Variants in MME observed in about 807,000 individuals in gnomAD.
MME encodes the protein membrane metalloendopeptidase.
Under a neutral mutation model 113.2 loss-of-function variants are expected in MME, and 98 were observed. That is an observed-to-expected ratio of 0.87 (90% CI 0.74 to 1.02). MME has a LOEUF of 1.02. MME is among the 50% of genes least tolerant of loss of function. MME has a pLI of 0.00. For missense variants in MME, 836 were observed against 896.0 expected (o/e 0.93, Z 0.86); for synonymous variants, 292 against 300.6 (o/e 0.97, Z 0.30).
At chr3:155,114,258 GT>G (rs1363899266) in intron 3 of MME, among the ~76,000 whole-genome samples, 1 of 152,098 alleles carries the variant, frequency 6.6e-6, no homozygotes, top group Non-Finnish European at 1.5e-5. Flanking sequence ...CTCTTCGTTG[GT>G]AATAATTCCT....
chr3:155,160,365 TAA>T (rs1722627119), intron 16 of MME, 23 bp from the exon 17 acceptor site: 1 of 1,525,726 alleles, frequency 6.6e-7, no homozygotes, highest in Admixed American at 1.7e-5. Context: ...GTATCATTTG[TAA>T]AGAGTTCTTA....
chr3:155,080,788 G>A (rs753490440), intron 1 of MME, among the ~76,000 whole-genome samples: 8 of 152,118 alleles, frequency 5.3e-5, no homozygotes, highest in Non-Finnish European at 1.0e-4. Context: ...GATTCAAATG[G>A]CAATTTTATT....
intron 1 of MME, among the ~76,000 whole-genome samples, chr3:155,042,940 G>GTA (rs57585504): frequency 0.05 from 2,653 of 53,346 alleles, 134 homozygotes; most frequent in Admixed American, 0.11. Context: ...ATATATATAT[G>GTA]TATATATATA....
chr3:155,100,153 CT>C (rs1328855918), intron 3 of MME, among the ~76,000 whole-genome samples: 1 of 152,174 alleles, frequency 6.6e-6, no homozygotes, highest in African/African-American at 2.4e-5. Context: ...ATTTACTCAT[CT>C]GACAAAGGGC....
chr3:155,087,382 C>T (rs949894494), intron 3 of MME, among the ~76,000 whole-genome samples: 2 of 151,476 alleles, frequency 1.3e-5, no homozygotes, highest in African/African-American at 4.9e-5. Flanking sequence ...ATTTGCTGCT[C>T]GACATAGTAA....
intron 22 of MME, among the ~76,000 whole-genome samples, chr3:155,174,323 AGCGT>A (rs1712286913): frequency 3.2e-5 from 4 of 124,534 alleles, no homozygotes; most frequent in Admixed American, 8.4e-5. Context: ...TAACAACAGA[AGCGT>A]GTGTGTGTGT....
chr3:155,093,640 G>A (rs1232154062), intron 3 of MME, among the ~76,000 whole-genome samples: 2 of 152,136 alleles, frequency 1.3e-5, no homozygotes, highest in African/African-American at 2.4e-5. Context: ...GGTGGCTCAC[G>A]AGGTCAGGAG....
intron 1 of MME, among the ~76,000 whole-genome samples, chr3:155,041,679 A>G (rs775763859): frequency 2.6e-5 from 4 of 152,184 alleles, no homozygotes; most frequent in Non-Finnish European, 4.4e-5. Context: ...GTAAAACTCC[A>G]GGGTCTCTGT....
intron 9 of MME, among the ~76,000 whole-genome samples, chr3:155,139,947 T>C (rs949910057): frequency 6.6e-6 from 1 of 152,104 alleles, no homozygotes; most frequent in Non-Finnish European, 1.5e-5. Flanking sequence ...TGTCAAAATA[T>C]AGACAGATTT....
intron 16 of MME, among the ~76,000 whole-genome samples, chr3:155,152,330 T>A (rs57476211): frequency 0.039 from 5,864 of 152,206 alleles, 180 homozygotes; most frequent in East Asian, 0.11. Context: ...CTTGGGCTGT[T>A]CTACACTTTG....
intron 8 of MME, among the ~76,000 whole-genome samples, chr3:155,127,418 G>T (rs1443104234): frequency 1.3e-5 from 2 of 152,214 alleles, no homozygotes; most frequent in East Asian, 3.8e-4. Context: ...GAAAGTGGTA[G>T]ACAAATAGTT....
chr3:155,076,140 C>T (rs1714739804), upstream of MME, among the ~76,000 whole-genome samples: 1 of 152,170 alleles, frequency 6.6e-6, no homozygotes, highest in Admixed American at 6.5e-5. Flanking sequence ...CTTGGAAATA[C>T]TCAGGCTACA....
chr3:155,171,828 A>G (rs1001193817), intron 20 of MME, among the ~76,000 whole-genome samples: 1 of 152,230 alleles, frequency 6.6e-6, no homozygotes, highest in South Asian at 2.1e-4. Flanking sequence ...TAAGTTTTTC[A>G]TCACTTATTT....
intron 16 of MME, among the ~76,000 whole-genome samples, chr3:155,154,558 A>T (rs1722177846): frequency 6.6e-6 from 1 of 152,188 alleles, no homozygotes; most frequent in Non-Finnish European, 1.5e-5. Flanking sequence ...AGAGCCAGGA[A>T]GTTTTCCTCC....
At chr3:155,089,067 A>C (rs1195187592) in intron 3 of MME, among the ~76,000 whole-genome samples, 1 of 152,244 alleles carries the variant, frequency 6.6e-6, no homozygotes, top group Non-Finnish European at 1.5e-5. Context: ...TATGATGTAC[A>C]TAAAATGATG....
intron 3 of MME, among the ~76,000 whole-genome samples, chr3:155,097,389 A>G (rs978033865): frequency 6.6e-6 from 1 of 152,190 alleles, no homozygotes; most frequent in African/African-American, 2.4e-5. Flanking sequence ...GTAGAAGGAA[A>G]ATCAGCGAAG....
chr3:155,110,827 C>T (rs970481832), intron 3 of MME, among the ~76,000 whole-genome samples: 2 of 152,186 alleles, frequency 1.3e-5, no homozygotes, highest in African/African-American at 4.8e-5. Flanking sequence ...TAGTATATAT[C>T]CTTCTAGATT....
chr3:155,140,560 G>T (rs1721001725), intron 10 of MME, among the ~76,000 whole-genome samples: 1 of 151,784 alleles, frequency 6.6e-6, no homozygotes, highest in East Asian at 1.9e-4. Flanking sequence ...GGGACTACAG[G>T]CATGCACCAC....
At chr3:155,107,031 C>G (rs1717744232) in intron 3 of MME, among the ~76,000 whole-genome samples, 1 of 152,144 alleles carries the variant, frequency 6.6e-6, no homozygotes, top group African/African-American at 2.4e-5. Context: ...TATACCATTC[C>G]CTAAACATTA....
Sources: gnomAD v4.1 joint callset for allele counts (sites outside exome capture counted in the v4.1 genomes callset) on GRCh38, gnomAD v4.1.1 for gene constraint, MANE v1.5 for transcripts, NCBI Gene and HGNC (gene_info 2026-07-23, HGNC 2026-07-21) for gene names.